Variants in DCC observed in about 807,000 individuals in gnomAD.
DCC encodes DCC netrin 1 receptor.
Under a neutral mutation model 172.5 loss-of-function variants are expected in DCC, and 58 were observed. The ratio of observed to expected loss-of-function variants is 0.34; its 90% CI spans 0.27 to 0.42. The LOEUF is 0.42. DCC is among the 10% of genes least tolerant of loss of function. The probability of loss-of-function intolerance (pLI) is 1.00; values close to 1 mark genes in which losing one functional copy is unlikely to be tolerated. For missense variants in DCC, 1,740 were observed against 1,791.0 expected (o/e 0.97, Z 0.51); for synonymous variants, 709 against 644.5 (o/e 1.10, Z -1.52).
chr18:53,284,693 G>C (rs534512806), intron 12 of DCC, among the ~76,000 whole-genome samples: 12 of 152,292 alleles, frequency 7.9e-5, no homozygotes, highest in African/African-American at 2.6e-4. Context: ...AGCAACTTTG[G>C]AACTGGGTAA....
intron 6 of DCC, among the ~76,000 whole-genome samples, chr18:53,064,461 T>C (rs2042539641): frequency 6.6e-6 from 1 of 152,166 alleles, no homozygotes; most frequent in Non-Finnish European, 1.5e-5. Flanking sequence ...CCAGGTCTCC[T>C]GGGCAGAATG....
chr18:53,383,847 G>A (rs1907947943), intron 15 of DCC, among the ~76,000 whole-genome samples: 1 of 151,898 alleles, frequency 6.6e-6, no homozygotes, highest in Non-Finnish European at 1.5e-5. Flanking sequence ...GGACAGAGGG[G>A]ATGATAGAAT....
At chr18:52,727,057 TA>T (rs1879650493) in intron 1 of DCC, among the ~76,000 whole-genome samples, 1 of 152,176 alleles carries the variant, frequency 6.6e-6, no homozygotes, top group African/African-American at 2.4e-5. Flanking sequence ...GATGGTTTGA[TA>T]AAAGCCAGTT....
intron 2 of DCC, among the ~76,000 whole-genome samples, chr18:52,798,862 C>T (rs1434687254): frequency 6.6e-6 from 1 of 151,986 alleles, no homozygotes; most frequent in Non-Finnish European, 1.5e-5. Flanking sequence ...CAGTAATTCT[C>T]CTGCCTCAGC....
At chr18:52,641,942 A>T (rs562492771) in intron 1 of DCC, among the ~76,000 whole-genome samples, 8 of 151,132 alleles carry the variant, frequency 5.3e-5, no homozygotes, top group African/African-American at 1.9e-4. Context: ...ATACTTCACA[A>T]TTGCAAAATC....
chr18:52,662,502 AAGGGAGGAAGGGAGGGAGGGTGGG>A (rs2144950104), intron 1 of DCC, among the ~76,000 whole-genome samples: 1 of 126,132 alleles, frequency 7.9e-6, no homozygotes, highest in African/African-American at 3.0e-5. Flanking sequence ...CCAAGGAAGG[AAGGGAGGAAGGGAGGGAGGGTGGG>A]AGGGAGGAAG....
chr18:52,542,562 G>A (rs1273831962), intron 1 of DCC, among the ~76,000 whole-genome samples: 1 of 152,174 alleles, frequency 6.6e-6, no homozygotes, highest in Non-Finnish European at 1.5e-5. Flanking sequence ...AGGGCCGGGT[G>A]CAGTGGCTCA....
rs184269679 is a variant in DCC at position 52,410,037 on chromosome 18, G to A, written c.91+69159G>A. ...GACATCCCCACCAGTGAAAATGCCTGTCTCTGTAATGCCACATCAGTGTTT... is the reference window on the plus strand; with the variant it reads ...GACATCCCCACCAGTGAAAATGCCTATCTCTGTAATGCCACATCAGTGTTT... On this transcript the variant is annotated intron_variant, in intron 1 of 28. Transcript: ENST00000442544. Among the ~76,000 whole-genome samples, 772 of 152,252 alleles carry A rather than the reference G, an allele frequency of 5.1e-3. 7 individuals are homozygous for A. Among genetic ancestry groups the A allele is most frequent in the Non-Finnish European group, 8.5e-3 (577 of 68,004 alleles).
intron 5 of DCC, among the ~76,000 whole-genome samples, chr18:53,018,411 C>T (rs1311513857): frequency 6.6e-6 from 1 of 152,190 alleles, no homozygotes; most frequent in East Asian, 1.9e-4. Flanking sequence ...AACCTCGTTG[C>T]CTACGTCTCC....
At chr18:52,455,765 A>T (rs771315143) in intron 1 of DCC, among the ~76,000 whole-genome samples, 1 of 152,180 alleles carries the variant, frequency 6.6e-6, no homozygotes, top group Non-Finnish European at 1.5e-5. Flanking sequence ...ATAAAAACCA[A>T]ATATAGCAAG....
At chr18:53,384,628 C>T (rs1293642305) in intron 15 of DCC, among the ~76,000 whole-genome samples, 1 of 151,892 alleles carries the variant, frequency 6.6e-6, no homozygotes, top group Non-Finnish European at 1.5e-5. Context: ...TGAGTTATGC[C>T]ACCTCATTTC....
chr18:53,216,466 T>C (rs1311445129), intron 12 of DCC, among the ~76,000 whole-genome samples: 1 of 152,202 alleles, frequency 6.6e-6, no homozygotes, highest in Non-Finnish European at 1.5e-5. Context: ...TCATAACTAT[T>C]TGGTCTTAGC....
chr18:52,736,114 C>A (rs1250176872), intron 1 of DCC, among the ~76,000 whole-genome samples: 5 of 152,048 alleles, frequency 3.3e-5, no homozygotes, highest in African/African-American at 1.2e-4. Flanking sequence ...GGAATTCAGA[C>A]ATTGACATTT....
intron 5 of DCC, among the ~76,000 whole-genome samples, chr18:52,978,653 C>T (rs1278280362): frequency 1.3e-5 from 2 of 152,130 alleles, no homozygotes. Flanking sequence ...ATCTGCAGGA[C>T]TCAATTCCAG....
intron 1 of DCC, among the ~76,000 whole-genome samples, chr18:52,745,120 C>T (rs953414316): frequency 6.6e-6 from 1 of 152,280 alleles, no homozygotes; most frequent in East Asian, 1.9e-4. Flanking sequence ...AGTCCTCTTT[C>T]TTGATCCTTT....
chr18:53,155,730 A>G (rs762611076), intron 7 of DCC, among the ~76,000 whole-genome samples: 4 of 152,226 alleles, frequency 2.6e-5, no homozygotes, highest in Admixed American at 6.5e-5. Context: ...AACCACTTCA[A>G]ATTGTTTCCA....
At chr18:52,557,102 T>C (rs1386952396) in intron 1 of DCC, among the ~76,000 whole-genome samples, 3 of 152,200 alleles carry the variant, frequency 2.0e-5, no homozygotes, top group African/African-American at 7.2e-5. Context: ...AATAATAAAT[T>C]ATATGCTGTG....
chr18:52,564,821 T>C (rs2033120602), intron 1 of DCC, among the ~76,000 whole-genome samples: 1 of 151,932 alleles, frequency 6.6e-6, no homozygotes, highest in African/African-American at 2.4e-5. Flanking sequence ...TAGGAGGAGC[T>C]CTTTGTAGTC....
intron 1 of DCC, among the ~76,000 whole-genome samples, chr18:52,436,568 G>A (rs965843615): frequency 2.6e-5 from 4 of 152,154 alleles, no homozygotes; most frequent in African/African-American, 9.7e-5. Context: ...GGCTTCCTAT[G>A]TACATTAAAA....
Sources: allele counts gnomAD v4.1 joint callset (sites outside exome capture counted in the v4.1 genomes callset), GRCh38; gene constraint gnomAD v4.1.1; transcripts MANE v1.5; gene names NCBI Gene and HGNC (gene_info 2026-07-23, HGNC 2026-07-21).